FARS2: variants seen among roughly 807,000 people sequenced by gnomAD.
The protein encoded by FARS2 is phenylalanine--tRNA ligase, mitochondrial.
In FARS2, 40 loss-of-function variants were observed where a neutral mutation model predicts 46.4. That is an observed-to-expected ratio of 0.86 (90% confidence interval 0.67 to 1.12). The LOEUF is 1.12. Ranked by LOEUF, FARS2 falls within the 50% of genes most tolerant of loss-of-function variation. The pLI, the probability that FARS2 is intolerant of heterozygous loss-of-function variation, is 0.00. For synonymous variants in FARS2, 234 were observed against 214.9 expected (o/e 1.09, Z -0.78); for missense variants, 513 against 567.9 (o/e 0.90, Z 0.98).
chr6:5,423,866 G>C (rs1257308571), intron 3 of FARS2, among the ~76,000 whole-genome samples: 1 of 152,046 alleles, frequency 6.6e-6, no homozygotes. Context: ...TGAAGTGTAG[G>C]TCATGAATGA....
At chr6:5,431,898 C>A (rs1763191372) in intron 4 of FARS2, 1 of 227,286 alleles carries the variant, frequency 4.4e-6, no homozygotes, top group Admixed American at 4.9e-5. Context: ...TTTTAAGTCA[C>A]TATCTGAATT....
At chr6:5,755,642 C>G (rs1762166200) in intron 6 of FARS2, among the ~76,000 whole-genome samples, 1 of 152,142 alleles carries the variant, frequency 6.6e-6, no homozygotes, top group Non-Finnish European at 1.5e-5. Flanking sequence ...CCTTGGGACA[C>G]TGATCCTTCT....
At chr6:5,509,533 C>T (rs992579693) in intron 4 of FARS2, among the ~76,000 whole-genome samples, 2 of 152,110 alleles carry the variant, frequency 1.3e-5, no homozygotes, top group African/African-American at 2.4e-5. Context: ...GGGGCAGACT[C>T]GATGGGCATA....
chr6:5,366,792 GC>G (rs1257429726), intron 1 of FARS2, among the ~76,000 whole-genome samples: 1 of 152,184 alleles, frequency 6.6e-6, no homozygotes, highest in Non-Finnish European at 1.5e-5. Flanking sequence ...GAGGAAGAAA[GC>G]TTTTCTTGTG....
At chr6:5,447,228 C>T (rs1025504195) in intron 4 of FARS2, among the ~76,000 whole-genome samples, 6 of 152,158 alleles carry the variant, frequency 3.9e-5, no homozygotes, top group African/African-American at 1.4e-4. Context: ...GCTGAAGCAG[C>T]AGTAGCAGTG....
chr6:5,377,518 T>G (rs9378422), intron 2 of FARS2, among the ~76,000 whole-genome samples: 34,784 of 149,362 alleles, frequency 0.23, 4,801 homozygotes, highest in East Asian at 0.3. Context: ...TCTTCCAGAT[T>G]CTGTCTCCAT....
At chr6:5,395,124 C>T (rs879492727) in intron 2 of FARS2, among the ~76,000 whole-genome samples, 11 of 152,138 alleles carry the variant, frequency 7.2e-5, no homozygotes, top group Admixed American at 5.9e-4. Context: ...GATCTTGGCT[C>T]GCTTCAACCT....
At chr6:5,613,369 AATGTCATGTGG>A in intron 6 of FARS2, 49 bp downstream of exon 6, 1 of 1,543,364 alleles carries the variant, frequency 6.5e-7, no homozygotes, top group Non-Finnish European at 8.8e-7. Context: ...CTGTGTGATA[AATGTCATGTGG>A]AAGCATATCA....
At chr6:5,723,286 T>C (rs1467622939) in intron 6 of FARS2, among the ~76,000 whole-genome samples, 3 of 152,212 alleles carry the variant, frequency 2.0e-5, no homozygotes, top group Admixed American at 2.0e-4. Context: ...CATATCTATA[T>C]ATTTCATTTA....
chr6:5,547,012 C>T (rs1582416294), intron 5 of FARS2, among the ~76,000 whole-genome samples: 1 of 151,914 alleles, frequency 6.6e-6, no homozygotes, highest in Non-Finnish European at 1.5e-5. Context: ...AGTGCAATGG[C>T]ATGATCTCAG....
chr6:5,381,833 G>C (rs1344628629), intron 2 of FARS2, among the ~76,000 whole-genome samples: 1 of 152,238 alleles, frequency 6.6e-6, no homozygotes, highest in Non-Finnish European at 1.5e-5. Flanking sequence ...CAGAGGCAGT[G>C]TAGGAACAGG....
chr6:5,474,669 T>G (rs529145552), intron 4 of FARS2, among the ~76,000 whole-genome samples: 1 of 150,032 alleles, frequency 6.7e-6, no homozygotes, highest in South Asian at 2.2e-4. Flanking sequence ...TACTGTTTTT[T>G]TTTTTTTTTT....
chr6:5,502,175 A>C (rs1257005954), intron 4 of FARS2, among the ~76,000 whole-genome samples: 1 of 152,132 alleles, frequency 6.6e-6, no homozygotes, highest in Non-Finnish European at 1.5e-5. Flanking sequence ...GCCGTGGATC[A>C]CTCCATAGCT....
upstream of FARS2, chr6:5,260,929 GGGGCGGGCGCAGGCA>G: frequency 7.4e-7 from 1 of 1,360,188 alleles, no homozygotes; most frequent in South Asian, 1.7e-5. Flanking sequence ...CGCCGCTTCG[GGGGCGGGCGCAGGCA>G]GGGCTCGGGG....
intron 6 of FARS2, among the ~76,000 whole-genome samples, chr6:5,713,676 T>G (rs1384771701): frequency 6.6e-6 from 1 of 152,244 alleles, no homozygotes; most frequent in Non-Finnish European, 1.5e-5. Context: ...TGAGCATTGC[T>G]CAAGGTGCAA....
chr6:5,411,349 C>CT (rs1488504430), intron 3 of FARS2, among the ~76,000 whole-genome samples: 1 of 152,208 alleles, frequency 6.6e-6, no homozygotes, highest in Non-Finnish European at 1.5e-5. Flanking sequence ...GATTCTGCCT[C>CT]TGATTCTTTC....
intron 6 of FARS2, among the ~76,000 whole-genome samples, chr6:5,715,188 C>T (rs1759423363): frequency 1.3e-5 from 2 of 152,188 alleles, no homozygotes; most frequent in Non-Finnish European, 2.9e-5. Context: ...GGTTAAATAT[C>T]TTGCCCAGGG....
At chr6:5,549,075 G>A (rs796197604) in intron 5 of FARS2, among the ~76,000 whole-genome samples, 2 of 152,026 alleles carry the variant, frequency 1.3e-5, no homozygotes, top group South Asian at 2.1e-4. Flanking sequence ...CAGTTCTAGA[G>A]GTCAGAAAAC....
chr6:5,334,277 G>C (rs1418420071), intron 1 of FARS2, among the ~76,000 whole-genome samples: 1 of 152,192 alleles, frequency 6.6e-6, no homozygotes, highest in Non-Finnish European at 1.5e-5. Context: ...TTGTTGATGG[G>C]AGTCCTAACT....
Sources: allele counts gnomAD v4.1 joint callset (sites outside exome capture counted in the v4.1 genomes callset), GRCh38; gene constraint gnomAD v4.1.1; transcripts MANE v1.5; gene names NCBI Gene and HGNC (gene_info 2026-07-23, HGNC 2026-07-21).